THSD7B: variants seen among roughly 807,000 people sequenced by gnomAD.
THSD7B encodes the protein thrombospondin type-1 domain-containing protein 7B.
THSD7B carries 138 observed loss-of-function variants against 213.6 expected under a neutral mutation model. The ratio of observed to expected loss-of-function variants is 0.65; its 90% CI spans 0.56 to 0.74. THSD7B has a LOEUF of 0.74. Among genes scored for constraint, THSD7B ranks in the 30% least tolerant of loss-of-function variants. The pLI, the probability that THSD7B is intolerant of heterozygous loss-of-function variation, is 0.00. For missense variants in THSD7B, 1,931 were observed against 1,991.5 expected (o/e 0.97, Z 0.58); for synonymous variants, 742 against 687.0 (o/e 1.08, Z -1.25).
At chr2:137,553,507 G>GA (rs1440426895) in intron 15 of THSD7B, among the ~76,000 whole-genome samples, 1 of 152,086 alleles carries the variant, frequency 6.6e-6, no homozygotes, top group African/African-American at 2.4e-5. Flanking sequence ...CTGACTCAAT[G>GA]AATGAGTTTA....
chr2:137,041,969 A>G (rs1385283249), intron 2 of THSD7B, among the ~76,000 whole-genome samples: 1 of 152,218 alleles, frequency 6.6e-6, no homozygotes, highest in Non-Finnish European at 1.5e-5. Flanking sequence ...TAAATTAGGC[A>G]CATGTTCAGT....
At chr2:137,436,387 G>T (rs1174320390) in intron 14 of THSD7B, among the ~76,000 whole-genome samples, 4 of 152,128 alleles carry the variant, frequency 2.6e-5, no homozygotes, top group African/African-American at 9.7e-5. Context: ...ATAGGTTAAA[G>T]AATTTGCACG....
chr2:137,476,354 G>A (rs1383936282), intron 15 of THSD7B, among the ~76,000 whole-genome samples: 1 of 150,486 alleles, frequency 6.6e-6, no homozygotes, highest in Non-Finnish European at 1.5e-5. Flanking sequence ...TTTTCTTTTT[G>A]CTTGTGCTTT....
Position 137,546,415 on chromosome 2 carries a change from T to TTATATATA in THSD7B, c.3139-16804_3139-16797dup, listed in dbSNP as rs1299890799. Among the ~76,000 whole-genome samples the TTATATATA allele has an allele frequency of 1.2e-4, 3 of 25,526 alleles. 1 individual carries two copies. The highest frequency in any genetic ancestry group is 1.8e-4 in the Non-Finnish European group (3 of 16,438). The allele number at this position is 25,526 out of a possible 152,430, so 16.7% of individuals were successfully genotyped here. On this transcript the variant is annotated intron_variant, in intron 15 of 27. Transcript: ENST00000409968. Reference sequence around the variant, plus strand: ...ATATATTATATATATTATATATATATTATATATATTATATATATATTATAT... The same window carrying TTATATATA: ...ATATATTATATATATTATATATATATTATATATATATATATATTATATATATATTATAT...
intron 1 of THSD7B, among the ~76,000 whole-genome samples, chr2:136,823,534 CT>C (rs995630387): frequency 6.6e-6 from 1 of 151,548 alleles, no homozygotes; most frequent in Non-Finnish European, 1.5e-5. Flanking sequence ...TACCCTTTAA[CT>C]TTTTTTTTCA....
At chr2:136,976,673 G>A (rs1006944913) in intron 2 of THSD7B, among the ~76,000 whole-genome samples, 1 of 150,878 alleles carries the variant, frequency 6.6e-6, no homozygotes, top group Non-Finnish European at 1.5e-5. Flanking sequence ...TCGCTCTGTC[G>A]CTCAGTGGTA....
At chr2:137,516,118 A>G (rs1680063050) in intron 15 of THSD7B, among the ~76,000 whole-genome samples, 1 of 152,216 alleles carries the variant, frequency 6.6e-6, no homozygotes, top group Non-Finnish European at 1.5e-5. Context: ...TAGCTGCCAT[A>G]ATGGACAGCA....
At chr2:137,069,281 A>G (rs1573801294) in intron 3 of THSD7B, among the ~76,000 whole-genome samples, 5 of 152,200 alleles carry the variant, frequency 3.3e-5, no homozygotes, top group Admixed American at 1.3e-4. Context: ...GTGAAATGCA[A>G]TAGTCTTCTC....
chr2:136,915,147 G>C (rs776053780), intron 2 of THSD7B, among the ~76,000 whole-genome samples: 4 of 152,178 alleles, frequency 2.6e-5, no homozygotes, highest in African/African-American at 4.8e-5. Context: ...ATTTTAAGTG[G>C]AGTGGAACCA....
chr2:137,089,324 A>G (rs989083843), intron 3 of THSD7B, among the ~76,000 whole-genome samples: 7 of 146,852 alleles, frequency 4.8e-5, no homozygotes, highest in East Asian at 2.0e-4. Flanking sequence ...ATATACATAT[A>G]TGTGTGTGTA....
intron 2 of THSD7B, among the ~76,000 whole-genome samples, chr2:136,940,442 C>A (rs1439739699): frequency 2.0e-5 from 3 of 151,822 alleles, no homozygotes; most frequent in African/African-American, 7.3e-5. Context: ...TTTGATAAAG[C>A]CTTAATATTT....
intron 2 of THSD7B, among the ~76,000 whole-genome samples, chr2:136,913,976 G>A (rs1215631500): frequency 6.6e-6 from 1 of 152,186 alleles, no homozygotes; most frequent in Non-Finnish European, 1.5e-5. Context: ...TCCACTGACA[G>A]CTTGAACCAT....
intron 1 of THSD7B, among the ~76,000 whole-genome samples, chr2:136,843,088 A>ATTTTTTTTTTTTT (rs58411751): frequency 7.8e-6 from 1 of 128,512 alleles, no homozygotes. Flanking sequence ...GAGTGGTTTC[A>ATTTTTTTTTTTTT]TTTTTTTTTT....
intron 17 of THSD7B, among the ~76,000 whole-genome samples, chr2:137,573,863 G>T (rs566862573): frequency 6.6e-6 from 1 of 151,850 alleles, no homozygotes; most frequent in African/African-American, 2.4e-5. Context: ...TTATATTCTC[G>T]GCCCAGTTAT....
chr2:136,829,642 A>C (rs1194659701), intron 1 of THSD7B, among the ~76,000 whole-genome samples: 1 of 152,132 alleles, frequency 6.6e-6, no homozygotes, highest in Non-Finnish European at 1.5e-5. Context: ...TGGAGAAGAA[A>C]GATTAAGCAC....
intron 3 of THSD7B, among the ~76,000 whole-genome samples, chr2:137,072,838 C>T (rs1222180178): frequency 1.3e-5 from 2 of 152,064 alleles, no homozygotes; most frequent in Non-Finnish European, 2.9e-5. Flanking sequence ...TGTCAAAGGC[C>T]TTTTCTGCAT....
intron 17 of THSD7B, 118 bp from the exon 18 acceptor site, chr2:137,616,057 C>A: frequency 1.0e-6 from 1 of 998,956 alleles, no homozygotes; most frequent in Non-Finnish European, 1.4e-6. Context: ...ATATGTTTAA[C>A]CCTCTAGATA....
chr2:136,790,057 AC>A (rs1046200962), intron 1 of THSD7B, among the ~76,000 whole-genome samples: 5 of 144,860 alleles, frequency 3.5e-5, no homozygotes, highest in African/African-American at 1.3e-4. Flanking sequence ...TTGTAAGCTT[AC>A]CCTTTCTAAC....
Position 136,790,395 on chromosome 2 carries a change from A to G in THSD7B, c.-36+24708A>G, listed in dbSNP as rs545382818. On this transcript the variant is annotated intron_variant, in intron 1 of 27. Transcript: ENST00000409968. ...GATATTATTAAAAACCTAGATTTCAATTCTATAAAAAATCACATTTGTTCA... is the reference window on the plus strand; with the variant it reads ...GATATTATTAAAAACCTAGATTTCAGTTCTATAAAAAATCACATTTGTTCA... Among the ~76,000 whole-genome samples the G allele has an allele frequency of 3.3e-5, 5 of 152,204 alleles. No individual in the cohort carries two copies. The South Asian group carries it at 6.2e-4, about 19-fold the overall frequency.
Sources: allele counts gnomAD v4.1 joint callset (sites outside exome capture counted in the v4.1 genomes callset), GRCh38; gene constraint gnomAD v4.1.1; transcripts MANE v1.5; gene names NCBI Gene and HGNC (gene_info 2026-07-23, HGNC 2026-07-21).